RPS6KA6: variants seen among roughly 807,000 people sequenced by gnomAD.
RPS6KA6 encodes ribosomal protein S6 kinase alpha-6.
RPS6KA6 carries 27 observed loss-of-function variants against 65.4 expected under a neutral mutation model. The ratio of observed to expected loss-of-function variants is 0.41; its 90% CI spans 0.30 to 0.57. The LOEUF (loss-of-function observed/expected upper bound fraction) is 0.57. Among genes scored for constraint, RPS6KA6 ranks in the 20% least tolerant of loss-of-function variants. The pLI, the probability that RPS6KA6 is intolerant of heterozygous loss-of-function variation, is 0.24. For missense variants in RPS6KA6, 486 were observed against 555.6 expected, an observed-to-expected ratio of 0.87 and a Z score of 1.26; for synonymous variants, 190 against 184.2, an observed-to-expected ratio of 1.03 and a Z score of -0.26.
chrX:84,097,827 C>A lies in RPS6KA6; in HGVS notation c.1798G>T (p.Asp600Tyr). Residue 600 changes from aspartate (D) to tyrosine (Y), a missense_variant, in exon 19 of 22, where the codon GAT becomes TAT. Physicochemically the swap from Asp to Tyr is radical, Grantham distance 160. Transcript: ENST00000262752. ...AAACTCCAGATATCACAAGCAGCAT[C>A]ATATCCCTGTTGCATAAGAACCTAA... is the stretch of plus-strand genomic sequence containing the variant. ...APEVLMQQGY[D>Y]AACDIWSLGV... 8.4e-7 allele frequency: 1 copy of A among 1,195,442 alleles called. No homozygotes were observed. The highest frequency in any genetic ancestry group is 1.1e-6 in the Non-Finnish European group (1 of 882,944).
At position 84,187,944 on chromosome X, in the gene RPS6KA6, G is replaced by C. The variant is rs746669590; in HGVS notation, c.-45C>G. 1 of 1,092,273 alleles carries C rather than the reference G, an allele frequency of 9.2e-7. No homozygotes were observed. The highest frequency in any genetic ancestry group is 1.2e-6 in the Non-Finnish European group (1 of 811,301). The allele number at this position is 1,092,273 out of a possible 1,213,427, so 90.0% of individuals were successfully genotyped here. A position where few individuals can be genotyped will look rare whatever the true frequency, so the allele number is the denominator to read the frequency against. On this transcript the variant is annotated 5_prime_UTR_variant, in exon 1 of 22. Transcript: ENST00000262752. ...AAACAGGAGCTGCCGCCTACCGCTG[G>C]CGCGGCCGCGCATCCTGTCTATTGA...
At chrX:84,147,981 A>G in intron 4 of RPS6KA6, 61 bp downstream of exon 4, 2 of 676,208 alleles carry the variant, frequency 3.0e-6, no homozygotes, top group Non-Finnish European at 4.5e-6. Flanking sequence ...AGTAATACAC[A>G]GCATATTTCT....
chrX:84,167,174 G>A (rs2035610235), intron 1 of RPS6KA6, among the ~76,000 whole-genome samples: 1 of 111,616 alleles, frequency 9.0e-6, no homozygotes, highest in Non-Finnish European at 1.9e-5. Context: ...CAGATTTCTC[G>A]TAAGAAATCA....
intron 15 of RPS6KA6, 39 bp downstream of exon 15, chrX:84,106,308 TCATAATTTAAATTACATG>T: frequency 9.2e-7 from 1 of 1,088,821 alleles, no homozygotes; most frequent in Admixed American, 2.5e-5. Context: ...GTCAGTTGAC[TCATAATTTAAATTACATG>T]CATAAAACAA....
intron 1 of RPS6KA6, among the ~76,000 whole-genome samples, chrX:84,174,036 T>C (rs1316586390): frequency 8.9e-6 from 1 of 112,253 alleles, no homozygotes; most frequent in Non-Finnish European, 1.9e-5. Flanking sequence ...ACTTTATCAA[T>C]TTATCTAACA....
At chrX:84,129,852 G>A (rs1056120515) in intron 8 of RPS6KA6, among the ~76,000 whole-genome samples, 3 of 111,025 alleles carry the variant, frequency 2.7e-5, no homozygotes, top group African/African-American at 6.5e-5. Flanking sequence ...GGAAGGGTAC[G>A]GGGGAAGGGA....
chrX:84,187,403 G>A (rs1330820983), intron 1 of RPS6KA6: 4 of 129,473 alleles, frequency 3.1e-5, no homozygotes, highest in African/African-American at 1.3e-4. Context: ...AAGCGTCCGG[G>A]GTTCAACAGC....
At chrX:84,169,032 T>C (rs1421841257) in intron 1 of RPS6KA6, among the ~76,000 whole-genome samples, 1 of 112,315 alleles carries the variant, frequency 8.9e-6, no homozygotes, top group Non-Finnish European at 1.9e-5. Context: ...TCTGGGATAA[T>C]AAATCTTTAT....
intron 3 of RPS6KA6, among the ~76,000 whole-genome samples, chrX:84,154,813 T>A (rs769879208): frequency 8.9e-6 from 1 of 111,811 alleles, no homozygotes; most frequent in Non-Finnish European, 1.9e-5. Flanking sequence ...CTTTTTTGTG[T>A]CCTGAAAATG....
chrX:84,113,458 G>C (rs1161680481), intron 12 of RPS6KA6, among the ~76,000 whole-genome samples: 1 of 111,925 alleles, frequency 8.9e-6, no homozygotes, highest in East Asian at 2.8e-4. Context: ...GCAAAAAATA[G>C]TTAATCATGA....
At chrX:84,180,078 A>G (rs1277888702) in intron 1 of RPS6KA6, among the ~76,000 whole-genome samples, 1 of 111,773 alleles carries the variant, frequency 8.9e-6, no homozygotes, top group Admixed American at 9.5e-5. Context: ...CATTCAGTCC[A>G]CATTTCCCCT....
chrX:84,130,622 T>C (rs748382798), intron 8 of RPS6KA6, among the ~76,000 whole-genome samples: 1 of 111,875 alleles, frequency 8.9e-6, no homozygotes, highest in South Asian at 3.7e-4. Flanking sequence ...CATTGAGGAA[T>C]GGATAAACAA....
intron 12 of RPS6KA6, among the ~76,000 whole-genome samples, chrX:84,108,927 T>A (rs1181157925): frequency 8.9e-6 from 1 of 112,112 alleles, no homozygotes; most frequent in Non-Finnish European, 1.9e-5. Context: ...TTCTTCAGTG[T>A]TGGGTCTACA....
In RPS6KA6 at chrX:84,063,767, A is replaced by C. The variant is rs2033340886; in HGVS notation, c.*510T>G. 1 of 112,312 alleles carries C rather than the reference A, an allele frequency of 8.9e-6. No homozygotes were observed. The highest frequency in any genetic ancestry group is 3.2e-5 in the African/African-American group (1 of 30,930). 9.3% of individuals were successfully genotyped at this position (112,312 alleles called of 1,213,427 possible). On this transcript the variant is annotated 3_prime_UTR_variant, in exon 22 of 22. Coordinates refer to ENST00000262752, the MANE Select transcript of RPS6KA6 (RefSeq NM_014496.5). ...CCACTATGTTTACATTTTAGTAACTACAGTGAGTCAAATGAATGGAGTCCT... is the reference window on the plus strand; with the variant it reads ...CCACTATGTTTACATTTTAGTAACTCCAGTGAGTCAAATGAATGGAGTCCT...
intron 8 of RPS6KA6, among the ~76,000 whole-genome samples, chrX:84,127,482 A>G (rs1257458017): frequency 9.0e-6 from 1 of 111,583 alleles, no homozygotes; most frequent in East Asian, 2.8e-4. Context: ...GGCAAGTATT[A>G]CCCTGATACC....
chrX:84,130,147 T>C (rs1477218864), intron 8 of RPS6KA6, among the ~76,000 whole-genome samples: 2 of 110,837 alleles, frequency 1.8e-5, no homozygotes, highest in Admixed American at 9.6e-5. Context: ...AAATTTAAAT[T>C]TAAATTTTAA....
chrX:84,096,399 T>C, intron 19 of RPS6KA6, 88 bp from the exon 20 acceptor site: 2 of 390,679 alleles, frequency 5.1e-6, no homozygotes, highest in Non-Finnish European at 4.4e-6. Context: ...ATGCAAATAT[T>C]TACTTCAGTG....
rs2033293249 is a variant in RPS6KA6 at position 84,060,952 on chromosome X, T to C, written c.*3325A>G. 8.9e-6 allele frequency: 1 copy of C among 112,272 alleles called. No individual in the cohort carries two copies. The highest frequency in any genetic ancestry group is 3.2e-5 in the African/African-American group (1 of 30,880). The allele number at this position is 112,272 out of a possible 1,213,427, so 9.3% of individuals were successfully genotyped here. ...TCACCTTTTTAGCTGGAAATGTCTG[T>C]TCTGATAGAATGGATATCCTGATTT... On this transcript the variant is annotated 3_prime_UTR_variant, in exon 22 of 22. Transcript: ENST00000262752.
chrX:84,102,797 T>C (rs2034284564), intron 17 of RPS6KA6, among the ~76,000 whole-genome samples: 1 of 110,451 alleles, frequency 9.1e-6, no homozygotes, highest in Non-Finnish European at 1.9e-5. Context: ...ATCCCTATGG[T>C]ACACAGTGGT....
Sources: allele counts gnomAD v4.1 joint callset (sites outside exome capture counted in the v4.1 genomes callset), GRCh38; gene constraint gnomAD v4.1.1; transcripts MANE v1.5; gene names NCBI Gene and HGNC (gene_info 2026-07-23, HGNC 2026-07-21).